NOL4: variants seen among roughly 807,000 people sequenced by gnomAD.
NOL4 encodes the protein cancer/testis antigen 125.
A neutral mutation model predicts 75.9 loss-of-function variants in NOL4; 17 were observed. The ratio of observed to expected loss-of-function variants is 0.22; its 90% confidence interval spans 0.15 to 0.34. The LOEUF is 0.34. Among genes scored for constraint, NOL4 ranks in the 10% least tolerant of loss-of-function variants. The probability of loss-of-function intolerance (pLI) is 1.00; values close to 1 mark genes in which losing one functional copy is unlikely to be tolerated. For missense variants in NOL4, 614 were observed against 793.5 expected (o/e 0.77, Z 2.72); for synonymous variants, 292 against 289.9 (o/e 1.01, Z -0.07).
At position 33,951,917 on chromosome 18, in the gene NOL4, T is replaced by A. The variant is rs547897209; in HGVS notation, c.1428+5409A>T. On this transcript the variant is annotated intron_variant, in intron 8 of 10. Transcript: ENST00000261592. The stretch of plus-strand genomic sequence containing the variant: ...ATCTAGTTACAAACTAAAATGCATG[T>A]ATCCTGAACTTGGGTGGACATTCAT... Among the ~76,000 whole-genome samples, 9 of 152,314 alleles carry A rather than the reference T, an allele frequency of 5.9e-5. No individual in the cohort carries two copies. In the South Asian group the frequency reaches 1.9e-3, roughly 32 times the overall value.
At chr18:34,093,407 C>A in intron 5 of NOL4, 58 bp downstream of exon 5, 1 of 1,477,682 alleles carries the variant, frequency 6.8e-7, no homozygotes. Context: ...TGTTTCCATG[C>A]ATTCTGACTC....
chr18:33,930,920 TG>T (rs2067648088), intron 9 of NOL4, among the ~76,000 whole-genome samples: 1 of 152,166 alleles, frequency 6.6e-6, no homozygotes, highest in Non-Finnish European at 1.5e-5. Flanking sequence ...AGTTTTTTAG[TG>T]GGGCATGATG....
At chr18:34,130,042 C>T in intron 1 of NOL4, 22 bp from the exon 2 acceptor site, 1 of 1,504,384 alleles carries the variant, frequency 6.6e-7, no homozygotes, top group Non-Finnish European at 8.9e-7. Flanking sequence ...ACAACAACAA[C>T]AAAAACCCAT....
At chr18:34,023,497 C>T (rs1170250923) in intron 5 of NOL4, 1 of 455,996 alleles carries the variant, frequency 2.2e-6, no homozygotes, top group Admixed American at 2.4e-5. Context: ...GTATTTAGGT[C>T]TGTGGGTATG....
At position 33,852,794 on chromosome 18, in the gene NOL4, A is replaced by G. The variant is rs749448081; in HGVS notation, c.*48T>C. 10 of 1,503,856 alleles carry G rather than the reference A, an allele frequency of 6.6e-6. No individual in the cohort carries two copies. The highest frequency in any genetic ancestry group is 1.2e-5 in the South Asian group (1 of 82,228). 93.2% of individuals were successfully genotyped at this position (1,503,856 alleles called of 1,614,324 possible). ...TCTGTTGGGAAATCAAAATGTCATT[A>G]GTGGAAACTGCAAATTTAGACCTCA... On this transcript the variant is annotated 3_prime_UTR_variant, in exon 11 of 11. Coordinates refer to ENST00000261592, the MANE Select transcript of NOL4 (RefSeq NM_003787.5).
chr18:34,217,931 C>T (rs2037027611), intron 1 of NOL4, among the ~76,000 whole-genome samples: 1 of 152,028 alleles, frequency 6.6e-6, no homozygotes, highest in East Asian at 1.9e-4. Flanking sequence ...CAGTAAACGT[C>T]AGAGCCAGGA....
intron 5 of NOL4, among the ~76,000 whole-genome samples, chr18:34,072,777 A>G (rs1220266695): frequency 6.6e-6 from 1 of 152,220 alleles, no homozygotes; most frequent in Non-Finnish European, 1.5e-5. Flanking sequence ...TTTTATATAT[A>G]GAAGACAATA....
intron 2 of NOL4, among the ~76,000 whole-genome samples, chr18:34,128,268 T>C (rs1260338525): frequency 2.0e-5 from 3 of 151,952 alleles, no homozygotes; most frequent in South Asian, 2.1e-4. Context: ...CACACTACTA[T>C]TGACAACGAA....
intron 1 of NOL4, among the ~76,000 whole-genome samples, chr18:34,222,661 G>T (rs1355738253): frequency 1.3e-5 from 2 of 152,102 alleles, no homozygotes; most frequent in East Asian, 3.9e-4. Flanking sequence ...GAAGGACATG[G>T]GACAATGGCC....
intron 6 of NOL4, among the ~76,000 whole-genome samples, chr18:33,999,050 A>G (rs1043259280): frequency 2.6e-5 from 4 of 152,030 alleles, no homozygotes; most frequent in Non-Finnish European, 5.9e-5. Context: ...TGAAGAGACC[A>G]CCTAGTGCAA....
At chr18:33,904,448 T>A (rs1040782049) in intron 9 of NOL4, among the ~76,000 whole-genome samples, 3 of 152,034 alleles carry the variant, frequency 2.0e-5, no homozygotes, top group Non-Finnish European at 4.4e-5. Context: ...AACTAAGGGA[T>A]GGGAGGTCAG....
At chr18:34,142,398 A>G (rs2081209005) in intron 1 of NOL4, among the ~76,000 whole-genome samples, 2 of 152,218 alleles carry the variant, frequency 1.3e-5, no homozygotes, top group African/African-American at 4.8e-5. Context: ...TTATTGTGGC[A>G]CTATTCACAA....
chr18:33,924,824 T>G (rs948177117), intron 9 of NOL4, among the ~76,000 whole-genome samples: 2 of 152,140 alleles, frequency 1.3e-5, no homozygotes, highest in Non-Finnish European at 2.9e-5. Flanking sequence ...TGGACTAATA[T>G]TTGATCTAGG....
intron 6 of NOL4, among the ~76,000 whole-genome samples, chr18:34,010,768 T>C (rs576294207): frequency 1.3e-5 from 2 of 152,034 alleles, no homozygotes; most frequent in African/African-American, 4.8e-5. Flanking sequence ...AGATCACATC[T>C]CATAGTAGTT....
chr18:34,209,601 A>C (rs979138060), intron 1 of NOL4, among the ~76,000 whole-genome samples: 1 of 152,130 alleles, frequency 6.6e-6, no homozygotes, highest in Admixed American at 6.5e-5. Flanking sequence ...ATATTTTTGG[A>C]GGTCTCATTT....
chr18:34,150,998 C>A (rs2081615525), intron 1 of NOL4, among the ~76,000 whole-genome samples: 1 of 151,724 alleles, frequency 6.6e-6, no homozygotes, highest in Non-Finnish European at 1.5e-5. Flanking sequence ...TCAGAAAATG[C>A]AAATTAAAAG....
intron 8 of NOL4, among the ~76,000 whole-genome samples, chr18:33,946,713 T>C (rs2068858138): frequency 6.6e-6 from 1 of 151,760 alleles, no homozygotes; most frequent in Non-Finnish European, 1.5e-5. Context: ...GTTGAAGTCC[T>C]TTAATATATT....
intron 10 of NOL4, among the ~76,000 whole-genome samples, chr18:33,872,192 A>G (rs780859511): frequency 2.6e-5 from 4 of 151,996 alleles, no homozygotes; most frequent in Non-Finnish European, 4.4e-5. Context: ...AAATACCTTG[A>G]GTTTAAGCTT....
chr18:33,952,209 C>T (rs2069283185), intron 8 of NOL4, among the ~76,000 whole-genome samples: 1 of 152,090 alleles, frequency 6.6e-6, no homozygotes, highest in Non-Finnish European at 1.5e-5. Flanking sequence ...CAACACCTTG[C>T]TTAAAGTAAA....
Sources: allele counts gnomAD v4.1 joint callset (sites outside exome capture counted in the v4.1 genomes callset), GRCh38; gene constraint gnomAD v4.1.1; transcripts MANE v1.5; gene names NCBI Gene and HGNC (gene_info 2026-07-23, HGNC 2026-07-21).